The following LDB2 variants were observed in gnomAD, a reference collection of about 807,000 sequenced individuals.
LDB2 encodes LIM domain binding 2.
A neutral mutation model predicts 44.3 loss-of-function variants in LDB2; 12 were observed. The ratio of observed to expected loss-of-function variants is 0.27; its 90% confidence interval spans 0.17 to 0.44. The LOEUF is 0.44. Ranked by LOEUF, LDB2 falls within the 20% of genes least tolerant of loss-of-function variation. LDB2 has a pLI of 1.00. For missense variants in LDB2, 344 were observed against 473.5 expected, an observed-to-expected ratio of 0.73 and a Z score of 2.54; for synonymous variants, 164 against 174.8, an observed-to-expected ratio of 0.94 and a Z score of 0.49.
rs188803479 is a variant in LDB2, at chr4:16,739,960, T to A, written c.235+19198A>T. On this transcript the variant is annotated intron_variant, in intron 2 of 7. Coordinates refer to ENST00000304523, the MANE Select transcript of LDB2 (RefSeq NM_001290.5). ...ATTGCCTTTCACACTTGAATTCAGA[T>A]GTTCATACTTTTAAAACTTATAATC... Among the ~76,000 whole-genome samples the A allele has an allele frequency of 1.3e-4, 20 of 151,806 alleles. No homozygotes were observed. In the East Asian group the frequency reaches 3.5e-3, roughly 27 times the overall value.
chr4:16,669,963 A>C (rs1447681850), intron 2 of LDB2, among the ~76,000 whole-genome samples: 2 of 152,242 alleles, frequency 1.3e-5, no homozygotes, highest in Non-Finnish European at 2.9e-5. Flanking sequence ...GAACATAGCC[A>C]TGCACATTTA....
chr4:16,511,877 G>A (rs1308813951), intron 6 of LDB2, 104 bp downstream of exon 6: 3 of 1,312,876 alleles, frequency 2.3e-6, no homozygotes, highest in East Asian at 4.7e-5. Context: ...TAAGCTACTT[G>A]TCCTGATAAA....
chr4:16,876,666 T>C (rs1009656016), intron 1 of LDB2, among the ~76,000 whole-genome samples: 3 of 150,986 alleles, frequency 2.0e-5, no homozygotes, highest in Non-Finnish European at 4.4e-5. Context: ...TGTGGAGGGT[T>C]TTTTTTTTAA....
chr4:16,695,470 AAAG>A (rs993433222), intron 2 of LDB2, among the ~76,000 whole-genome samples: 6 of 152,026 alleles, frequency 3.9e-5, no homozygotes, highest in Non-Finnish European at 5.9e-5. Context: ...AAAAAAAAAA[AAAG>A]AAGAAGAAAA....
chr4:16,746,312 G>T (rs1764376063), intron 2 of LDB2, among the ~76,000 whole-genome samples: 2 of 152,170 alleles, frequency 1.3e-5, no homozygotes, highest in African/African-American at 4.8e-5. Flanking sequence ...CCAACTACGT[G>T]TCTGACTCCA....
chr4:16,897,897 T>A lies in LDB2; in HGVS notation c.132+457A>T, dbSNP rs768070180. Among the ~76,000 whole-genome samples the A allele has an allele frequency of 6.2e-3, 98 of 15,710 alleles. 2 individuals are homozygous for A. Among genetic ancestry groups the A allele is most frequent in the South Asian group, 0.013 (5 of 386 alleles). 10.3% of individuals were successfully genotyped at this position (15,710 alleles called of 152,430 possible). A position where few individuals can be genotyped will look rare whatever the true frequency, so the allele number is the denominator to read the frequency against. Reference sequence around the variant, plus strand: ...CCTCTAGGATTTGTAAAAAAGAAAATATATATATATATATATATATATATA... The same window carrying A: ...CCTCTAGGATTTGTAAAAAAGAAAAAATATATATATATATATATATATATA... On this transcript the variant is annotated intron_variant, in intron 1 of 7. Coordinates refer to ENST00000304523, the MANE Select transcript of LDB2 (RefSeq NM_001290.5).
intron 1 of LDB2, among the ~76,000 whole-genome samples, chr4:16,868,216 C>T (rs1715336315): frequency 6.6e-6 from 1 of 152,098 alleles, no homozygotes; most frequent in Non-Finnish European, 1.5e-5. Context: ...AACAGGCTTA[C>T]CCATAGTTTC....
chr4:16,723,050 C>G (rs987995650), intron 2 of LDB2, among the ~76,000 whole-genome samples: 16 of 152,246 alleles, frequency 1.1e-4, no homozygotes, highest in African/African-American at 3.6e-4. Context: ...CCGGATGTAA[C>G]TCCACAGTAA....
At chr4:16,734,290 C>A (rs1204714819) in intron 2 of LDB2, among the ~76,000 whole-genome samples, 3 of 152,174 alleles carry the variant, frequency 2.0e-5, no homozygotes, top group Non-Finnish European at 4.4e-5. Flanking sequence ...ATGCATCCAA[C>A]AACTATGTAT....
intron 2 of LDB2, among the ~76,000 whole-genome samples, chr4:16,718,860 GACAA>G (rs1757629837): frequency 6.6e-6 from 1 of 152,056 alleles, no homozygotes; most frequent in Non-Finnish European, 1.5e-5. Context: ...AGTAATAAAT[GACAA>G]ACAGGTATCA....
At chr4:16,892,300 C>T (rs1455608861) in intron 1 of LDB2, among the ~76,000 whole-genome samples, 1 of 144,374 alleles carries the variant, frequency 6.9e-6, no homozygotes, top group Non-Finnish European at 1.5e-5. Context: ...TTTCCAGGCC[C>T]TGAGACTGTC....
At chr4:16,550,923 C>T (rs1351981098) in intron 5 of LDB2, among the ~76,000 whole-genome samples, 2 of 152,112 alleles carry the variant, frequency 1.3e-5, no homozygotes, top group Non-Finnish European at 2.9e-5. Flanking sequence ...CCTTGCTGTA[C>T]TTAAATGAAT....
At chr4:16,843,145 T>C (rs1015331409) in intron 1 of LDB2, among the ~76,000 whole-genome samples, 2 of 152,218 alleles carry the variant, frequency 1.3e-5, no homozygotes, top group African/African-American at 2.4e-5. Context: ...TAAACACTTT[T>C]CTTACAAACA....
intron 2 of LDB2, among the ~76,000 whole-genome samples, chr4:16,685,851 C>A (rs1173129872): frequency 6.6e-6 from 1 of 152,062 alleles, no homozygotes; most frequent in Non-Finnish European, 1.5e-5. Context: ...GAGTTCGCAA[C>A]CAGCCTAGCC....
chr4:16,528,582 G>T lies in LDB2; in HGVS notation c.616-16478C>A, dbSNP rs144274374. 3.2e-3 allele frequency among the ~76,000 whole-genome samples: 483 copies of T among 152,318 alleles called. 3 individuals carry two copies. The highest frequency in any genetic ancestry group is 0.011 in the African/African-American group (460 of 41,582). On this transcript the variant is annotated intron_variant, in intron 5 of 7. Coordinates refer to ENST00000304523, the MANE Select transcript of LDB2 (RefSeq NM_001290.5). ...GAGGCTGACGGTAAGCAACCTGAGG[G>T]CAGGGCCTTCGGCCAGCCTTGCTGA... is the stretch of plus-strand genomic sequence containing the variant.
chr4:16,566,197 GA>G (rs944637362), intron 5 of LDB2, among the ~76,000 whole-genome samples: 3 of 151,514 alleles, frequency 2.0e-5, no homozygotes, highest in South Asian at 2.1e-4. Context: ...AAGTTCAAAT[GA>G]AAAAAAAGTC....
At chr4:16,894,133 T>C (rs1037728596) in intron 1 of LDB2, among the ~76,000 whole-genome samples, 1 of 152,180 alleles carries the variant, frequency 6.6e-6, no homozygotes, top group African/African-American at 2.4e-5. Flanking sequence ...CTTCAGAACA[T>C]ATTTTTATAT....
At chr4:16,680,931 A>G (rs1747672176) in intron 2 of LDB2, among the ~76,000 whole-genome samples, 1 of 152,216 alleles carries the variant, frequency 6.6e-6, no homozygotes, top group Non-Finnish European at 1.5e-5. Flanking sequence ...CTGGAAATTT[A>G]CCATTAAGAT....
intron 5 of LDB2, among the ~76,000 whole-genome samples, chr4:16,566,308 A>G (rs1560494320): frequency 6.6e-6 from 1 of 152,162 alleles, no homozygotes. Context: ...AGCAAGTGTT[A>G]TATTGGATTA....
Sources: gnomAD v4.1 joint callset for allele counts (sites outside exome capture counted in the v4.1 genomes callset) on GRCh38, gnomAD v4.1.1 for gene constraint, MANE v1.5 for transcripts, NCBI Gene and HGNC (gene_info 2026-07-23, HGNC 2026-07-21) for gene names.